The following SLC35F4 variants were observed in gnomAD, a reference collection of about 807,000 sequenced individuals.
SLC35F4 encodes the protein chromosome 14 open reading frame 36.
Under a neutral mutation model 44.2 loss-of-function variants are expected in SLC35F4, and 24 were observed. The ratio of observed to expected loss-of-function variants is 0.54; its 90% CI spans 0.39 to 0.76. The LOEUF is 0.76. Among genes scored for constraint, SLC35F4 ranks in the 30% least tolerant of loss-of-function variants. The pLI is 0.00. For missense variants in SLC35F4, 562 were observed against 586.1 expected, an observed-to-expected ratio of 0.96 and a Z score of 0.42; for synonymous variants, 238 against 223.6, an observed-to-expected ratio of 1.06 and a Z score of -0.57.
chr14:57,791,077 A>G lies in SLC35F4; in HGVS notation c.103+74646T>C, dbSNP rs942657662. ...ACCATTCAGGACATAGTCATGGGCA[A>G]AGACTTCATGACTAAAACACCAAAA... On this transcript the variant is annotated intron_variant, in intron 1 of 7. Transcript: ENST00000556826. Among the ~76,000 whole-genome samples the G allele has an allele frequency of 2.0e-5, 3 of 152,350 alleles. 1 individual carries two copies. The highest frequency in any genetic ancestry group is 4.1e-4 in the South Asian group (2 of 4,828).
chr14:57,874,135 G>C (rs184998193), intron 1 of SLC35F4, among the ~76,000 whole-genome samples: 1 of 152,278 alleles, frequency 6.6e-6, no homozygotes, highest in East Asian at 1.9e-4. Context: ...CCCTACAAAT[G>C]CATCTTCATC....
intron 1 of SLC35F4, chr14:57,603,984 T>C (rs999669890): frequency 6.6e-5 from 10 of 152,206 alleles, no homozygotes; most frequent in Non-Finnish European, 1.2e-4. Flanking sequence ...CTTGAGAGCA[T>C]TTAGGAAAAT....
At chr14:57,934,704 A>T (rs1748119451) in intron 1 of SLC35F4, among the ~76,000 whole-genome samples, 1 of 152,110 alleles carries the variant, frequency 6.6e-6, no homozygotes. Flanking sequence ...CAGGTCCTCC[A>T]TAAAGCCTCC....
intron 1 of SLC35F4, among the ~76,000 whole-genome samples, chr14:57,645,672 G>A (rs2073473710): frequency 6.6e-6 from 1 of 151,230 alleles, no homozygotes; most frequent in Non-Finnish European, 1.5e-5. Context: ...GAATAGGAGT[G>A]GTGAGAGAGG....
chr14:57,735,620 A>G (rs539517896), intron 1 of SLC35F4, among the ~76,000 whole-genome samples: 1 of 152,342 alleles, frequency 6.6e-6, no homozygotes, highest in East Asian at 1.9e-4. Context: ...TAAAGTAAAA[A>G]GTACAATGTT....
chr14:57,858,964 C>T (rs538564730), intron 1 of SLC35F4, among the ~76,000 whole-genome samples: 1 of 150,620 alleles, frequency 6.6e-6, no homozygotes, highest in South Asian at 2.1e-4. Context: ...AATTAATTAG[C>T]TGAGTGTGAT....
chr14:57,824,546 C>A (rs1350160901), intron 1 of SLC35F4, among the ~76,000 whole-genome samples: 1 of 152,070 alleles, frequency 6.6e-6, no homozygotes, highest in Non-Finnish European at 1.5e-5. Context: ...TGGATAAAAA[C>A]AGGCAGTGAA....
chr14:57,618,469 G>A (rs567447120), intron 1 of SLC35F4, among the ~76,000 whole-genome samples: 4 of 152,142 alleles, frequency 2.6e-5, no homozygotes, highest in Non-Finnish European at 5.9e-5. Flanking sequence ...AAGGGAAGCC[G>A]GGAGGAACTG....
chr14:57,833,142 G>GTT (rs1884554083), intron 1 of SLC35F4, among the ~76,000 whole-genome samples: 1 of 152,160 alleles, frequency 6.6e-6, no homozygotes, highest in Non-Finnish European at 1.5e-5. Flanking sequence ...TTACTGTCAC[G>GTT]TTGTTGTCAT....
chr14:57,920,210 C>T (rs1256680262), intron 1 of SLC35F4, among the ~76,000 whole-genome samples: 7 of 152,278 alleles, frequency 4.6e-5, no homozygotes, highest in South Asian at 2.1e-4. Context: ...GTTTACTCTG[C>T]GTTGCCTTTG....
At chr14:57,637,905 C>T (rs1231341845) in intron 1 of SLC35F4, among the ~76,000 whole-genome samples, 2 of 151,956 alleles carry the variant, frequency 1.3e-5, no homozygotes, top group Non-Finnish European at 2.9e-5. Flanking sequence ...TTCTTTAGAC[C>T]CCGTCCCTTT....
At chr14:57,762,951 T>G (rs896831785) in intron 1 of SLC35F4, among the ~76,000 whole-genome samples, 2 of 152,178 alleles carry the variant, frequency 1.3e-5, no homozygotes, top group Non-Finnish European at 2.9e-5. Flanking sequence ...GTAATACAAG[T>G]AATGTTTATC....
At chr14:57,674,613 A>G (rs780037489) in intron 1 of SLC35F4, among the ~76,000 whole-genome samples, 8 of 152,144 alleles carry the variant, frequency 5.3e-5, no homozygotes, top group Non-Finnish European at 1.2e-4. Context: ...CACACACTAT[A>G]TGTTGAGAAC....
At chr14:57,961,496 A>G (rs896854936) in intron 1 of SLC35F4, among the ~76,000 whole-genome samples, 8 of 152,168 alleles carry the variant, frequency 5.3e-5, no homozygotes, top group Admixed American at 2.6e-4. Context: ...TGTCCCTGTT[A>G]TAGTCTACCA....
chr14:57,581,696 G>C (rs1249704606), intron 3 of SLC35F4, among the ~76,000 whole-genome samples: 1 of 152,230 alleles, frequency 6.6e-6, no homozygotes, highest in East Asian at 1.9e-4. Context: ...AAGCCATTCT[G>C]TCGTTTTTGA....
chr14:57,577,440 C>A (rs1404471860), intron 4 of SLC35F4, among the ~76,000 whole-genome samples: 2 of 152,122 alleles, frequency 1.3e-5, no homozygotes, highest in Admixed American at 1.3e-4. Flanking sequence ...CAGTTGGGAT[C>A]TGCTGAACCA....
chr14:57,925,519 G>GAGGAAGGAAGGAAGGAAGGAAGGA (rs1889546432), intron 1 of SLC35F4, among the ~76,000 whole-genome samples: 1 of 65,268 alleles, frequency 1.5e-5, no homozygotes, highest in African/African-American at 4.6e-5. Context: ...GGGAGGGAGG[G>GAGGAAGGAAGGAAGGAAGGAAGGA]AGGGAGGGAG....
At chr14:57,577,462 C>T (rs1422432275) in intron 4 of SLC35F4, among the ~76,000 whole-genome samples, 3 of 152,008 alleles carry the variant, frequency 2.0e-5, no homozygotes, top group African/African-American at 7.3e-5. Context: ...CCACCAACCA[C>T]CAACATTCTC....
At chr14:57,980,671 T>C (rs1881353384) in intron 1 of SLC35F4, among the ~76,000 whole-genome samples, 1 of 152,200 alleles carries the variant, frequency 6.6e-6, no homozygotes, top group Non-Finnish European at 1.5e-5. Context: ...TACATGTATG[T>C]GTGGTTTAGG....
Sources: gnomAD v4.1 joint callset for allele counts (sites outside exome capture counted in the v4.1 genomes callset) on GRCh38, gnomAD v4.1.1 for gene constraint, MANE v1.5 for transcripts, NCBI Gene and HGNC (gene_info 2026-07-23, HGNC 2026-07-21) for gene names.